Variants in ERC2 observed in about 807,000 individuals in gnomAD.
The protein encoded by ERC2 is ELKS/RAB6-interacting/CAST family member 2, also known as ERC protein 2.
A neutral mutation model predicts 114.8 loss-of-function variants in ERC2; 42 were observed. That is an observed-to-expected ratio of 0.37 (90% CI 0.29 to 0.47). ERC2 has a LOEUF of 0.47. ERC2 is among the 20% of genes least tolerant of loss of function. The pLI is 0.99. For missense variants in ERC2, 939 were observed against 1,150.7 expected, an observed-to-expected ratio of 0.82 and a Z score of 2.66; for synonymous variants, 454 against 425.5, an observed-to-expected ratio of 1.07 and a Z score of -0.82.
chr3:56,053,753 TC>T (rs2075876985), intron 7 of ERC2, among the ~76,000 whole-genome samples: 1 of 151,794 alleles, frequency 6.6e-6, no homozygotes, highest in Admixed American at 6.6e-5. Flanking sequence ...AAATTATAAG[TC>T]CCCTTCGCAA....
intron 17 of ERC2, chr3:55,657,503 T>G (rs1297329823): frequency 6.6e-6 from 1 of 152,248 alleles, no homozygotes; most frequent in Non-Finnish European, 1.5e-5. Context: ...TCGCCTAGGC[T>G]GGAATGCAGT....
intron 17 of ERC2, among the ~76,000 whole-genome samples, chr3:55,583,731 A>G (rs1382175541): frequency 1.3e-5 from 2 of 151,638 alleles, no homozygotes. Flanking sequence ...TCTGCTCAGT[A>G]TAGGTGATGG....
chr3:56,061,417 A>T (rs556195637), intron 7 of ERC2, among the ~76,000 whole-genome samples: 1 of 152,332 alleles, frequency 6.6e-6, no homozygotes, highest in Non-Finnish European at 1.5e-5. Context: ...TGACACTGCA[A>T]TTGGGAGACT....
At chr3:56,065,601 G>A (rs2076438087) in intron 7 of ERC2, among the ~76,000 whole-genome samples, 1 of 151,818 alleles carries the variant, frequency 6.6e-6, no homozygotes, top group African/African-American at 2.4e-5. Flanking sequence ...AGGTTAATGT[G>A]TGCCACGGTG....
At position 55,757,934 on chromosome 3, in the gene ERC2, C is replaced by CAT. The variant is rs201131305; in HGVS notation, c.2565-23018_2565-23017dup. 1.3e-3 allele frequency among the ~76,000 whole-genome samples: 198 copies of CAT among 151,188 alleles called. 2 individuals carry two copies. The East Asian group carries it at 0.022, about 17-fold the overall frequency. On this transcript the variant is annotated intron_variant, in intron 14 of 17. Transcript: ENST00000288221. ...AATTCTATCAAATCAAGATAAATAT[C>CAT]ATATATATATATACATTTATACCTC...
chr3:55,556,589 A>C (rs1303947111), intron 17 of ERC2, among the ~76,000 whole-genome samples: 1 of 152,230 alleles, frequency 6.6e-6, no homozygotes. Flanking sequence ...GAACTACTGC[A>C]GGAAAGGCAC....
chr3:55,963,415 C>T (rs1181991197), intron 12 of ERC2, among the ~76,000 whole-genome samples: 3 of 152,174 alleles, frequency 2.0e-5, no homozygotes, highest in African/African-American at 2.4e-5. Context: ...AGAAGCTCAA[C>T]ACAACGTTCC....
rs377173159 is a variant in ERC2, at chr3:56,143,264, C to T, written c.1306-3588G>A. On this transcript the variant is annotated intron_variant, in intron 5 of 17. Transcript: ENST00000288221. The stretch of plus-strand genomic sequence containing the variant: ...ACTTCTGTCTTTTTTCTTCAGTGTC[C>T]TTGTGGCTATGAAAACCAGAGCTCA... Among the ~76,000 whole-genome samples the T allele has an allele frequency of 3.3e-4, 50 of 152,228 alleles. 1 individual carries two copies. The highest frequency in any genetic ancestry group is 1.7e-3 in the East Asian group (9 of 5,180).
At chr3:56,341,930 T>A (rs973891448) in intron 2 of ERC2, among the ~76,000 whole-genome samples, 1 of 152,152 alleles carries the variant, frequency 6.6e-6, no homozygotes, top group Non-Finnish European at 1.5e-5. Flanking sequence ...CTGTAGCCCA[T>A]GCTGCCCACC....
At chr3:55,664,531 C>T (rs530930447) in intron 17 of ERC2, among the ~76,000 whole-genome samples, 4 of 152,308 alleles carry the variant, frequency 2.6e-5, no homozygotes, top group East Asian at 1.9e-4. Context: ...AGACGCCAGG[C>T]GGTGTTAATT....
intron 13 of ERC2, among the ~76,000 whole-genome samples, chr3:55,927,909 C>T (rs2065843439): frequency 6.6e-6 from 1 of 152,144 alleles, no homozygotes. Context: ...ACCTCTAGTT[C>T]CACCCATGTT....
chr3:55,957,364 C>A (rs2068032255), intron 12 of ERC2, among the ~76,000 whole-genome samples: 2 of 152,166 alleles, frequency 1.3e-5, no homozygotes, highest in Non-Finnish European at 2.9e-5. Flanking sequence ...AAGTCTGTAA[C>A]CCTAGTCAAG....
chr3:55,862,600 C>A (rs966513542), intron 14 of ERC2, among the ~76,000 whole-genome samples: 1 of 152,128 alleles, frequency 6.6e-6, no homozygotes, highest in Non-Finnish European at 1.5e-5. Flanking sequence ...TTAGAGCAGG[C>A]AAGTACATTC....
chr3:56,453,088 A>G (rs1283755011), intron 1 of ERC2, among the ~76,000 whole-genome samples: 1 of 152,226 alleles, frequency 6.6e-6, no homozygotes, highest in Non-Finnish European at 1.5e-5. Flanking sequence ...CCATGCATTA[A>G]ATTGCATCAT....
chr3:56,340,236 T>C (rs2058032922), intron 2 of ERC2, among the ~76,000 whole-genome samples: 1 of 152,196 alleles, frequency 6.6e-6, no homozygotes, highest in South Asian at 2.1e-4. Context: ...CAGCATTAAA[T>C]ACTATCATTA....
intron 14 of ERC2, among the ~76,000 whole-genome samples, chr3:55,868,592 C>T (rs760030053): frequency 1.3e-5 from 2 of 152,182 alleles, no homozygotes; most frequent in Non-Finnish European, 2.9e-5. Flanking sequence ...AGGCTGAAGC[C>T]GTCCTAGCCC....
chr3:55,952,217 T>TATATATA (rs71294735), intron 12 of ERC2, among the ~76,000 whole-genome samples: 6 of 134,400 alleles, frequency 4.5e-5, no homozygotes, highest in East Asian at 2.1e-4. Context: ...TATATATATA[T>TATATATA]TCTGAACACT....
At chr3:56,318,194 C>G (rs1239565641) in intron 2 of ERC2, among the ~76,000 whole-genome samples, 2 of 152,112 alleles carry the variant, frequency 1.3e-5, no homozygotes, top group Non-Finnish European at 1.5e-5. Context: ...GTCTGTCTCT[C>G]TCCTTCTTTT....
intron 17 of ERC2, among the ~76,000 whole-genome samples, chr3:55,538,709 T>G (rs2054166757): frequency 6.6e-6 from 1 of 152,236 alleles, no homozygotes; most frequent in African/African-American, 2.4e-5. Flanking sequence ...CTGGCTGCTT[T>G]TAGGTCATTT....
Sources: gnomAD v4.1 joint callset for allele counts (sites outside exome capture counted in the v4.1 genomes callset) on GRCh38, gnomAD v4.1.1 for gene constraint, MANE v1.5 for transcripts, NCBI Gene and HGNC (gene_info 2026-07-23, HGNC 2026-07-21) for gene names.